The following GALNTL6 variants were observed in gnomAD, a reference collection of about 807,000 sequenced individuals.
GALNTL6 encodes polypeptide N-acetylgalactosaminyltransferase-like 6.
A neutral mutation model predicts 73.7 loss-of-function variants in GALNTL6; 46 were observed. The ratio of observed to expected loss-of-function variants is 0.62; its 90% CI spans 0.49 to 0.80. The LOEUF (loss-of-function observed/expected upper bound fraction) is 0.80. Among genes scored for constraint, GALNTL6 ranks in the 30% least tolerant of loss-of-function variants. The pLI is 0.00. For synonymous variants in GALNTL6, 259 were observed against 263.7 expected (o/e 0.98, Z 0.17); for missense variants, 604 against 755.0 (o/e 0.80, Z 2.34).
At chr4:172,040,140 T>C in intron 2 of GALNTL6, among the ~76,000 whole-genome samples, 1 of 142,382 alleles carries the variant, frequency 7.0e-6, no homozygotes, top group East Asian at 2.2e-4. Context: ...AATGGCGCAA[T>C]GGAAATGAGA....
chr4:172,264,598 CAT>C (rs1167717515), intron 3 of GALNTL6, among the ~76,000 whole-genome samples: 22 of 65,842 alleles, frequency 3.3e-4, no homozygotes, highest in Non-Finnish European at 7.2e-4. Context: ...ATATATTTGG[CAT>C]ATATATACAC....
At chr4:172,515,028 T>C (rs1734554686) in intron 5 of GALNTL6, among the ~76,000 whole-genome samples, 1 of 152,212 alleles carries the variant, frequency 6.6e-6, no homozygotes, top group Admixed American at 6.5e-5. Context: ...AGTATGTCCC[T>C]CTGGTATTTC....
At chr4:172,346,211 AG>A (rs1741733184) in intron 4 of GALNTL6, among the ~76,000 whole-genome samples, 1 of 152,224 alleles carries the variant, frequency 6.6e-6, no homozygotes, top group Non-Finnish European at 1.5e-5. Context: ...ACATATATAT[AG>A]ATAGACATAT....
intron 5 of GALNTL6, among the ~76,000 whole-genome samples, chr4:172,407,802 A>C (rs1461113412): frequency 6.6e-6 from 1 of 152,054 alleles, no homozygotes; most frequent in East Asian, 1.9e-4. Flanking sequence ...ATAAAGAGAA[A>C]ATGGAATTGA....
intron 5 of GALNTL6, among the ~76,000 whole-genome samples, chr4:172,567,475 T>C (rs1736598918): frequency 6.6e-6 from 1 of 152,208 alleles, no homozygotes; most frequent in South Asian, 2.1e-4. Flanking sequence ...AGCTTGCTTA[T>C]CTCAGACGAG....
intron 5 of GALNTL6, among the ~76,000 whole-genome samples, chr4:172,613,115 G>C (rs1256822712): frequency 6.6e-6 from 1 of 152,098 alleles, no homozygotes; most frequent in African/African-American, 2.4e-5. Context: ...TTAAAAGGTA[G>C]ATAAGGCCTC....
rs554379416 is a variant in GALNTL6, at chr4:172,122,510, A to G, written c.139-107146A>G. Among the ~76,000 whole-genome samples the G allele has an allele frequency of 2.0e-5, 3 of 152,332 alleles. No homozygotes were observed. The South Asian group carries it at 6.2e-4, about 32-fold the overall frequency. On this transcript the variant is annotated intron_variant, in intron 2 of 12. Transcript: ENST00000506823. ...CTTAGAATTCATCTGGTTTCAGCTT[A>G]TACAGCTTCAGTACAGACCAGTTCC...
intron 2 of GALNTL6, among the ~76,000 whole-genome samples, chr4:171,924,263 T>C (rs1737904065): frequency 6.8e-6 from 1 of 147,536 alleles, no homozygotes; most frequent in African/African-American, 2.5e-5. Flanking sequence ...CTATAAAAAA[T>C]AAATAAATCA....
intron 12 of GALNTL6, among the ~76,000 whole-genome samples, chr4:173,034,997 A>T (rs1753625795): frequency 6.6e-6 from 1 of 151,728 alleles, no homozygotes; most frequent in South Asian, 2.1e-4. Flanking sequence ...TATTTTATAT[A>T]TTTTTTCATA....
intron 8 of GALNTL6, among the ~76,000 whole-genome samples, chr4:172,919,574 A>C (rs1747693320): frequency 6.6e-6 from 1 of 152,210 alleles, no homozygotes; most frequent in Non-Finnish European, 1.5e-5. Flanking sequence ...TATTTTTGTA[A>C]AAGAAGGAAG....
chr4:171,818,012 T>A (rs909335128), intron 2 of GALNTL6, among the ~76,000 whole-genome samples: 5 of 151,644 alleles, frequency 3.3e-5, no homozygotes, highest in African/African-American at 1.2e-4. Context: ...GTATCTCCTT[T>A]ATGTCATTTA....
intron 7 of GALNTL6, among the ~76,000 whole-genome samples, chr4:172,873,979 T>C (rs1384538440): frequency 6.6e-6 from 1 of 152,192 alleles, no homozygotes; most frequent in African/African-American, 2.4e-5. Flanking sequence ...CTTACTAAGA[T>C]GAAGGAGTAA....
intron 5 of GALNTL6, among the ~76,000 whole-genome samples, chr4:172,795,620 A>G (rs914611751): frequency 1.3e-5 from 2 of 152,176 alleles, no homozygotes; most frequent in Non-Finnish European, 2.9e-5. Flanking sequence ...CAGGCATGCA[A>G]TGTGTAATAA....
intron 8 of GALNTL6, among the ~76,000 whole-genome samples, chr4:172,910,569 G>C (rs2111261872): frequency 6.6e-6 from 1 of 152,220 alleles, no homozygotes; most frequent in Middle Eastern, 3.4e-3. Context: ...TAGTTTGGAT[G>C]GTAAGAAAAA....
At chr4:172,241,498 T>C (rs2110993457) in intron 3 of GALNTL6, among the ~76,000 whole-genome samples, 1 of 152,336 alleles carries the variant, frequency 6.6e-6, no homozygotes, top group Non-Finnish European at 1.5e-5. Context: ...GTAAAGATTA[T>C]TCACATTTGT....
At chr4:172,970,016 C>T (rs925607738) in intron 10 of GALNTL6, among the ~76,000 whole-genome samples, 5 of 152,018 alleles carry the variant, frequency 3.3e-5, no homozygotes, top group Non-Finnish European at 5.9e-5. Flanking sequence ...GTGATGTCCC[C>T]CAAGCCACAA....
intron 2 of GALNTL6, among the ~76,000 whole-genome samples, chr4:171,819,052 CT>C (rs1185775519): frequency 6.6e-6 from 1 of 151,358 alleles, no homozygotes; most frequent in Non-Finnish European, 1.5e-5. Flanking sequence ...GTCTGTGTTC[CT>C]TTTTTAGCAA....
chr4:171,948,742 T>C (rs182604377), intron 2 of GALNTL6, among the ~76,000 whole-genome samples: 3 of 152,316 alleles, frequency 2.0e-5, no homozygotes, highest in East Asian at 1.9e-4. Context: ...AAACATTTTC[T>C]CTTCCATCAA....
chr4:173,000,694 G>A (rs1752008012), intron 10 of GALNTL6, among the ~76,000 whole-genome samples: 1 of 152,176 alleles, frequency 6.6e-6, no homozygotes, highest in African/African-American at 2.4e-5. Context: ...GTGTGGTACA[G>A]GCATAAAGAT....
Sources: gnomAD v4.1 joint callset for allele counts (sites outside exome capture counted in the v4.1 genomes callset) on GRCh38, gnomAD v4.1.1 for gene constraint, MANE v1.5 for transcripts, NCBI Gene and HGNC (gene_info 2026-07-23, HGNC 2026-07-21) for gene names.